Variants in GRIK1 observed in about 807,000 individuals in gnomAD.
The protein encoded by GRIK1 is glutamate receptor ionotropic, kainate 1.
A neutral mutation model predicts 105.7 loss-of-function variants in GRIK1; 69 were observed. The observed-to-expected ratio is 0.65, with a 90% CI of 0.54 to 0.80. The LOEUF is 0.80. Ranked by LOEUF, GRIK1 falls within the 30% of genes least tolerant of loss-of-function variation. GRIK1 has a pLI of 0.00. For synonymous variants in GRIK1, 438 were observed against 431.3 expected (o/e 1.02, Z -0.19); for missense variants, 1,109 against 1,167.3 (o/e 0.95, Z 0.73).
At chr21:29,559,093 GCA>G (rs1201325658) in intron 15 of GRIK1, among the ~76,000 whole-genome samples, 2 of 152,086 alleles carry the variant, frequency 1.3e-5, no homozygotes, top group African/African-American at 4.8e-5. Context: ...AATGATAAAA[GCA>G]CAGTTTTTGA....
chr21:29,928,805 A>G (rs1422249162), intron 1 of GRIK1, among the ~76,000 whole-genome samples: 1 of 152,016 alleles, frequency 6.6e-6, no homozygotes, highest in African/African-American at 2.4e-5. Context: ...AACAAGCTAC[A>G]CCCCAGTGGA....
chr21:29,565,432 C>A (rs1033878061), intron 14 of GRIK1, among the ~76,000 whole-genome samples: 2 of 152,044 alleles, frequency 1.3e-5, no homozygotes, highest in South Asian at 4.1e-4. Context: ...GTGTAGTGAG[C>A]TTTCTTTTTT....
rs77898608 is a variant in GRIK1, at chr21:29,702,282, C to A, written c.119-8219G>T. Among the ~76,000 whole-genome samples, 64 of 152,078 alleles carry A rather than the reference C, an allele frequency of 4.2e-4. No individual in the cohort carries two copies. In the East Asian group the frequency reaches 0.012, roughly 28 times the overall value. ...CTATGTACAAAACTGTGCATGTACC[C>A]CTGAACTTAAAATGGAAGTTTTTTT... On this transcript the variant is annotated intron_variant, in intron 1 of 17. Coordinates refer to ENST00000327783, the MANE Select transcript of GRIK1 (RefSeq NM_001330994.2).
intron 1 of GRIK1, among the ~76,000 whole-genome samples, chr21:29,835,679 T>C (rs1054250073): frequency 6.6e-6 from 1 of 152,214 alleles, no homozygotes; most frequent in African/African-American, 2.4e-5. Context: ...TTATATCCTA[T>C]AAATCCATCT....
chr21:29,891,726 T>C (rs1231342027), intron 1 of GRIK1, among the ~76,000 whole-genome samples: 3 of 152,238 alleles, frequency 2.0e-5, no homozygotes, highest in Non-Finnish European at 4.4e-5. Flanking sequence ...AAAAGGGTTT[T>C]ATTATTTCTT....
intron 9 of GRIK1, among the ~76,000 whole-genome samples, chr21:29,595,688 T>G (rs1408905305): frequency 6.6e-6 from 1 of 152,004 alleles, no homozygotes; most frequent in African/African-American, 2.4e-5. Context: ...TCCATAGATT[T>G]TTTTTACCAA....
Position 29,563,099 on chromosome 21 carries a change from C to T in GRIK1, c.2131-1250G>A, listed in dbSNP as rs80166904. 3.4e-4 allele frequency among the ~76,000 whole-genome samples: 51 copies of T among 152,208 alleles called. No homozygotes were observed. The East Asian group carries it at 9.3e-3, about 28-fold the overall frequency. On this transcript the variant is annotated intron_variant, in intron 14 of 17. Coordinates refer to ENST00000327783, the MANE Select transcript of GRIK1 (RefSeq NM_001330994.2). Reference sequence around the variant, plus strand: ...TATGGGAATTATTGGTATTTTTAAGCTAACCCCAGTTATCACAGTTATATA... The same window carrying T: ...TATGGGAATTATTGGTATTTTTAAGTTAACCCCAGTTATCACAGTTATATA...
At chr21:29,914,659 C>T (rs985963688) in intron 1 of GRIK1, among the ~76,000 whole-genome samples, 1 of 152,090 alleles carries the variant, frequency 6.6e-6, no homozygotes, top group Admixed American at 6.6e-5. Flanking sequence ...GTCAAGTATG[C>T]TCATACAACT....
chr21:29,779,621 A>C (rs2066036177), intron 1 of GRIK1, among the ~76,000 whole-genome samples: 2 of 152,220 alleles, frequency 1.3e-5, no homozygotes, highest in Admixed American at 1.3e-4. Flanking sequence ...AAACTATATA[A>C]GGGGAGGCTT....
intron 1 of GRIK1, among the ~76,000 whole-genome samples, chr21:29,876,482 T>C (rs2069196538): frequency 6.6e-6 from 1 of 152,176 alleles, no homozygotes; most frequent in East Asian, 1.9e-4. Context: ...TACCCCCTAC[T>C]GGTGTACATT....
intron 16 of GRIK1, among the ~76,000 whole-genome samples, chr21:29,548,869 A>G (rs946424495): frequency 1.3e-5 from 2 of 151,994 alleles, no homozygotes; most frequent in Non-Finnish European, 2.9e-5. Context: ...TGCTTGAAAA[A>G]CTCTCTAAAA....
chr21:29,658,017 T>C lies in GRIK1; in HGVS notation c.727-3154A>G, dbSNP rs559696609. 3.9e-5 allele frequency among the ~76,000 whole-genome samples: 6 copies of C among 152,342 alleles called. No homozygotes were observed. The South Asian group carries it at 1.2e-3, about 32-fold the overall frequency. ...TGACTTTGAATTTTGATACAGTACT[T>C]GTCTGCCGAACTGACCAAATGGTGC... On this transcript the variant is annotated intron_variant, in intron 4 of 17. Coordinates refer to ENST00000327783, the MANE Select transcript of GRIK1 (RefSeq NM_001330994.2).
intron 1 of GRIK1, among the ~76,000 whole-genome samples, chr21:29,727,168 C>A (rs551057746): frequency 1.3e-5 from 2 of 152,092 alleles, no homozygotes; most frequent in Non-Finnish European, 2.9e-5. Context: ...TCAGGTGATC[C>A]ATCTGCCTCA....
At chr21:29,851,081 G>A (rs144219204) in intron 1 of GRIK1, among the ~76,000 whole-genome samples, 598 of 149,956 alleles carry the variant, frequency 4.0e-3, no homozygotes, top group African/African-American at 0.014. Flanking sequence ...TTGAGATGGA[G>A]TCTCTCTCTG....
chr21:29,652,248 C>G (rs1332006983), intron 5 of GRIK1, among the ~76,000 whole-genome samples: 1 of 152,164 alleles, frequency 6.6e-6, no homozygotes, highest in Admixed American at 6.5e-5. Flanking sequence ...TCTTCTCCAC[C>G]AAATCTTGCA....
At chr21:29,716,490 A>G (rs1262341083) in intron 1 of GRIK1, among the ~76,000 whole-genome samples, 1 of 152,136 alleles carries the variant, frequency 6.6e-6, no homozygotes, top group Non-Finnish European at 1.5e-5. Flanking sequence ...CATGGCTTTG[A>G]CCAAAATGCT....
At chr21:29,848,779 A>ATATATATATATATTTTT in intron 1 of GRIK1, among the ~76,000 whole-genome samples, 2 of 77,882 alleles carry the variant, frequency 2.6e-5, no homozygotes, top group African/African-American at 1.2e-4. Context: ...ATATATATAT[A>ATATATATATATATTTTT]TTTTTTTTTT....
chr21:29,585,758 G>A lies in GRIK1; in HGVS notation c.1793+1608C>T, dbSNP rs576619887. Among the ~76,000 whole-genome samples the A allele has an allele frequency of 2.1e-4, 32 of 152,274 alleles. No individual in the cohort carries two copies. The South Asian group carries it at 4.8e-3, about 23-fold the overall frequency. The stretch of plus-strand genomic sequence containing the variant: ...TAGTCATTTATTAAATGACCATTCC[G>A]AGGCAATATTAACTTCACTGAGGAG... On this transcript the variant is annotated intron_variant, in intron 12 of 17. Transcript: ENST00000327783.
intron 1 of GRIK1, among the ~76,000 whole-genome samples, chr21:29,919,734 C>G (rs1441226967): frequency 6.6e-6 from 1 of 152,086 alleles, no homozygotes; most frequent in Non-Finnish European, 1.5e-5. Flanking sequence ...TAAATGACTT[C>G]TGTACTTTTA....
Sources: gnomAD v4.1 joint callset for allele counts (sites outside exome capture counted in the v4.1 genomes callset) on GRCh38, gnomAD v4.1.1 for gene constraint, MANE v1.5 for transcripts, NCBI Gene and HGNC (gene_info 2026-07-23, HGNC 2026-07-21) for gene names.